Variants in NEK4 observed in about 807,000 individuals in gnomAD.
The protein encoded by NEK4 is NIMA related kinase 4.
In NEK4, 86 loss-of-function variants were observed where a neutral mutation model predicts 98.4. That is an observed-to-expected ratio of 0.87 (90% CI 0.73 to 1.05). The LOEUF (loss-of-function observed/expected upper bound fraction) is 1.05. NEK4 is among the 50% of genes least tolerant of loss of function. The pLI is 0.00. For missense variants in NEK4, 898 were observed against 950.3 expected (o/e 0.94, Z 0.72); for synonymous variants, 328 against 342.2 (o/e 0.96, Z 0.46).
intron 15 of NEK4, among the ~76,000 whole-genome samples, chr3:52,715,042 A>G (rs780623811): frequency 3.3e-5 from 5 of 152,234 alleles, no homozygotes; most frequent in Non-Finnish European, 1.5e-5. Flanking sequence ...CAGGAGGCAG[A>G]CAGGCTACTG....
At chr3:52,764,780 A>ACACACG (rs1559450523) in intron 4 of NEK4, among the ~76,000 whole-genome samples, 1 of 51,728 alleles carries the variant, frequency 1.9e-5, no homozygotes, top group Non-Finnish European at 4.1e-5. Context: ...ACACACATGC[A>ACACACG]CACACACACA....
chr3:52,764,612 C>A lies in NEK4; in HGVS notation c.667-988G>T, dbSNP rs1174410015. The stretch of plus-strand genomic sequence containing the variant: ...CACCACTGCACTCCAGTCTGGGCAA[C>A]AGAGTGAGACTCTGTCTCAAAAAAA... On this transcript the variant is annotated intron_variant, in intron 4 of 15. Transcript: ENST00000233027. Among the ~76,000 whole-genome samples, 7 of 150,994 alleles carry A rather than the reference C, an allele frequency of 4.6e-5. No homozygotes were observed. In the East Asian group the frequency reaches 1.4e-3, roughly 29 times the overall value.
chr3:52,731,034 AT>A (rs1231161005), intron 15 of NEK4, among the ~76,000 whole-genome samples: 2 of 152,208 alleles, frequency 1.3e-5, no homozygotes, highest in African/African-American at 2.4e-5. Flanking sequence ...CTAAAATGGT[AT>A]ATTTTATCTC....
intron 15 of NEK4, among the ~76,000 whole-genome samples, chr3:52,716,908 C>G (rs2097355633): frequency 6.6e-6 from 1 of 152,206 alleles, no homozygotes; most frequent in Admixed American, 6.5e-5. Flanking sequence ...CCAGTGAAGG[C>G]AAGAACACAG....
chr3:52,721,575 A>T (rs987747951), intron 15 of NEK4, among the ~76,000 whole-genome samples: 26 of 151,780 alleles, frequency 1.7e-4, no homozygotes, highest in Non-Finnish European at 2.1e-4. Flanking sequence ...CAAAAAAAAA[A>T]ATTTTTTTTA....
chr3:52,731,206 TAA>T (rs1157605023), intron 15 of NEK4, among the ~76,000 whole-genome samples: 1 of 152,114 alleles, frequency 6.6e-6, no homozygotes, highest in African/African-American at 2.4e-5. Flanking sequence ...AAGGAACAAA[TAA>T]AGAGATCCAG....
intron 6 of NEK4, among the ~76,000 whole-genome samples, chr3:52,756,347 A>T (rs1160681599): frequency 1.3e-5 from 2 of 152,242 alleles, no homozygotes; most frequent in African/African-American, 4.8e-5. Context: ...ATTTTAAAAC[A>T]TACCACAAAA....
chr3:52,763,719 T>G, intron 4 of NEK4, 95 bp from the exon 5 acceptor site: 1 of 874,870 alleles, frequency 1.1e-6, no homozygotes, highest in Non-Finnish European at 1.8e-6. Flanking sequence ...TATAGTCATA[T>G]GTCCACATAA....
rs979379026 is a variant in NEK4 at position 52,740,687 on chromosome 3, G to A, written c.2093+724C>T. ...GTGCCTGTAATCCCAGCTACTCGGCGGGGCTGAGACAGGAGAATACCTTGA... is the reference window on the plus strand; with the variant it reads ...GTGCCTGTAATCCCAGCTACTCGGCAGGGCTGAGACAGGAGAATACCTTGA... On this transcript the variant is annotated intron_variant, in intron 13 of 15. Coordinates refer to ENST00000233027, the MANE Select transcript of NEK4 (RefSeq NM_003157.6). Among the ~76,000 whole-genome samples the A allele has an allele frequency of 2.6e-5, 4 of 152,050 alleles. No homozygotes were observed. In the East Asian group the frequency reaches 5.8e-4, roughly 22 times the overall value.
chr3:52,745,556 G>A (rs966274647), intron 10 of NEK4, among the ~76,000 whole-genome samples: 3 of 151,312 alleles, frequency 2.0e-5, no homozygotes, highest in African/African-American at 7.3e-5. Context: ...TCCAGCCTGG[G>A]CAACAGAGCG....
rs1360117072 is a variant in NEK4 at position 52,711,180 on chromosome 3, G to GCTC, written c.*596_*597insGAG. The stretch of plus-strand genomic sequence containing the variant: ...TCAGTTTTAATTTGTATATACCCTA[G>GCTC]ATGAGGTTTATATTAAATGAGAATA... On this transcript the variant is annotated 3_prime_UTR_variant, in exon 16 of 16. Transcript: ENST00000233027. 7 of 152,426 alleles carry GCTC rather than the reference G, an allele frequency of 4.6e-5. No homozygotes were observed. The highest frequency in any genetic ancestry group is 8.8e-5 in the Non-Finnish European group (6 of 67,982). The allele number at this position is 152,426 out of a possible 1,614,324, so 9.4% of individuals were successfully genotyped here.
intron 8 of NEK4, among the ~76,000 whole-genome samples, chr3:52,748,214 G>A (rs958985490): frequency 1.3e-4 from 20 of 151,372 alleles, no homozygotes; most frequent in East Asian, 9.7e-4. Context: ...TGATCCGCCC[G>A]CCTCGGCCTC....
intron 8 of NEK4, among the ~76,000 whole-genome samples, chr3:52,748,377 G>C (rs753539509): frequency 4.6e-5 from 7 of 152,082 alleles, no homozygotes; most frequent in Non-Finnish European, 7.4e-5. Flanking sequence ...TTATCCAAAT[G>C]TTCTGATTTT....
At chr3:52,744,997 G>C (rs58178454) in intron 10 of NEK4, among the ~76,000 whole-genome samples, 1 of 151,762 alleles carries the variant, frequency 6.6e-6, no homozygotes, top group Non-Finnish European at 1.5e-5. Context: ...CTCACTGCAA[G>C]CTCTGCCTCC....
At chr3:52,720,689 T>G (rs185200822) in intron 15 of NEK4, among the ~76,000 whole-genome samples, 2 of 152,154 alleles carry the variant, frequency 1.3e-5, no homozygotes, top group East Asian at 3.9e-4. Context: ...AAAATAAAAG[T>G]GAAATAAGGA....
At chr3:52,761,435 C>T (rs751362633) in intron 5 of NEK4, among the ~76,000 whole-genome samples, 19 of 152,006 alleles carry the variant, frequency 1.2e-4, no homozygotes, top group African/African-American at 3.6e-4. Flanking sequence ...CACGCCACCA[C>T]GCCCGGCTAA....
In NEK4 at chr3:52,765,993, G is replaced by T; in HGVS notation, c.560C>A (p.Ser187Tyr). The change falls in exon 4 of 16, where the codon TCT (serine) becomes TAT (tyrosine). Residue 187 changes from serine (S) to tyrosine (Y), a missense_variant and splice_region_variant. Ser to Tyr is a moderately radical substitution (Grantham distance 144). Coordinates refer to ENST00000233027, the MANE Select transcript of NEK4 (RefSeq NM_003157.6). The stretch of plus-strand genomic sequence containing the variant: ...ACAGCATCCTAGAGCCCAAACATCA[G>T]ACTAGAAAATAAAAACAGTAAACGG... ...LFSNKPYNYK[S>Y]DVWALGCCVY... 1 of 1,596,068 alleles carries T rather than the reference G, an allele frequency of 6.3e-7. No homozygotes were observed. Among genetic ancestry groups the T allele is most frequent in the South Asian group, 1.1e-5 (1 of 89,720 alleles).
chr3:52,739,160 G>A (rs1245586416), intron 14 of NEK4, among the ~76,000 whole-genome samples: 3 of 152,172 alleles, frequency 2.0e-5, no homozygotes, highest in Non-Finnish European at 4.4e-5. Flanking sequence ...AACACTTTGG[G>A]AGGCCAAGGT....
intron 6 of NEK4, 135 bp from the exon 7 acceptor site, chr3:52,752,471 T>G: frequency 2.6e-6 from 2 of 768,174 alleles, no homozygotes; most frequent in Non-Finnish European, 4.2e-6. Flanking sequence ...CACTCCTAAG[T>G]ATGTAATCCA....
Sources: gnomAD v4.1 joint callset for allele counts (sites outside exome capture counted in the v4.1 genomes callset) on GRCh38, gnomAD v4.1.1 for gene constraint, MANE v1.5 for transcripts, NCBI Gene and HGNC (gene_info 2026-07-23, HGNC 2026-07-21) for gene names.